RORA: variants seen among roughly 807,000 people sequenced by gnomAD.
RORA encodes nuclear receptor ROR-alpha.
Under a neutral mutation model 69.5 loss-of-function variants are expected in RORA, and 7 were observed. That is an observed-to-expected ratio of 0.10 (90% CI 0.06 to 0.19). RORA has a LOEUF of 0.19. Ranked by LOEUF, RORA falls within the 10% of genes least tolerant of loss-of-function variation. The pLI is 1.00. For synonymous variants in RORA, 261 were observed against 240.8 expected (o/e 1.08, Z -0.78); for missense variants, 457 against 663.0 (o/e 0.69, Z 3.41).
intron 2 of RORA, among the ~76,000 whole-genome samples, chr15:60,655,306 C>T (rs2070203895): frequency 6.6e-6 from 1 of 152,048 alleles, no homozygotes; most frequent in Non-Finnish European, 1.5e-5. Flanking sequence ...TGTACAGTTA[C>T]CCAGATATCC....
intron 1 of RORA, among the ~76,000 whole-genome samples, chr15:61,228,609 AAAGGT>A (rs2080170751): frequency 6.7e-6 from 1 of 150,310 alleles, no homozygotes; most frequent in African/African-American, 2.4e-5. Context: ...CAAGAGGAGA[AAAGGT>A]AAAGCGGAAG....
chr15:60,607,459 G>GTA (rs1201070959), intron 2 of RORA, among the ~76,000 whole-genome samples: 1 of 152,076 alleles, frequency 6.6e-6, no homozygotes, highest in Non-Finnish European at 1.5e-5. Flanking sequence ...ATGTGACATG[G>GTA]TATACATACC....
intron 1 of RORA, among the ~76,000 whole-genome samples, chr15:60,923,473 C>G (rs957841081): frequency 6.6e-6 from 1 of 152,150 alleles, no homozygotes; most frequent in East Asian, 1.9e-4. Context: ...AAGCACTGGA[C>G]GGGAAGCTGG....
intron 1 of RORA, among the ~76,000 whole-genome samples, chr15:61,087,802 T>C (rs2078646899): frequency 6.6e-6 from 1 of 152,224 alleles, no homozygotes; most frequent in African/African-American, 2.4e-5. Flanking sequence ...CCTGTGGGAA[T>C]GGCATTTTTT....
At chr15:60,561,082 G>GTTTTTTTTTTTGTT (rs2067538184) in intron 2 of RORA, among the ~76,000 whole-genome samples, 1 of 122,052 alleles carries the variant, frequency 8.2e-6, no homozygotes, top group Non-Finnish European at 1.8e-5. Context: ...TTTTGTTTTT[G>GTTTTTTTTTTTGTT]TTTTTTTTTT....
chr15:60,690,446 G>A (rs987981916), intron 1 of RORA, among the ~76,000 whole-genome samples: 25 of 152,216 alleles, frequency 1.6e-4, no homozygotes, highest in African/African-American at 6.0e-4. Flanking sequence ...CACCTTTGGA[G>A]ACAGGAGAGA....
chr15:60,707,378 ATTTG>A (rs2071078733), intron 1 of RORA, among the ~76,000 whole-genome samples: 2 of 141,336 alleles, frequency 1.4e-5, no homozygotes, highest in South Asian at 4.4e-4. Flanking sequence ...TTATTTATTT[ATTTG>A]AGATGGAGTC....
chr15:60,535,571 T>C (rs1271604647), intron 2 of RORA, among the ~76,000 whole-genome samples: 4 of 152,232 alleles, frequency 2.6e-5, no homozygotes, highest in African/African-American at 7.2e-5. Flanking sequence ...AAGTTTGCTT[T>C]GAATTTTTAA....
At chr15:60,588,827 C>A (rs2068414213) in intron 2 of RORA, among the ~76,000 whole-genome samples, 1 of 152,088 alleles carries the variant, frequency 6.6e-6, no homozygotes, top group Admixed American at 6.5e-5. Flanking sequence ...AAATCGTGGG[C>A]AAAAGGGTTT....
chr15:60,823,806 A>T (rs1252944732), intron 1 of RORA, among the ~76,000 whole-genome samples: 1 of 18,600 alleles, frequency 5.4e-5, no homozygotes, highest in South Asian at 4.8e-3. Flanking sequence ...TAAGAAATTA[A>T]AAAAAAAAAT....
chr15:61,022,939 A>G (rs934741403), intron 1 of RORA, among the ~76,000 whole-genome samples: 1 of 152,010 alleles, frequency 6.6e-6, no homozygotes, highest in African/African-American at 2.4e-5. Flanking sequence ...AATCCCAGCA[A>G]TTTGAGAGGC....
At chr15:60,576,875 G>A (rs1056503156) in intron 2 of RORA, among the ~76,000 whole-genome samples, 5 of 152,204 alleles carry the variant, frequency 3.3e-5, no homozygotes, top group Non-Finnish European at 7.3e-5. Context: ...AGCTCTGGAA[G>A]TGGTACTAAT....
chr15:60,810,846 G>A (rs2072733516), intron 1 of RORA, among the ~76,000 whole-genome samples: 1 of 152,002 alleles, frequency 6.6e-6, no homozygotes, highest in African/African-American at 2.4e-5. Context: ...TAAGAGTGGG[G>A]CATTAAAAAG....
intron 1 of RORA, among the ~76,000 whole-genome samples, chr15:60,722,474 G>T (rs372585746): frequency 1.3e-5 from 2 of 152,288 alleles, no homozygotes; most frequent in East Asian, 1.9e-4. Flanking sequence ...GAGGACTTAC[G>T]TGCAGCTCTC....
At chr15:60,582,347 A>G (rs1166000009) in intron 2 of RORA, among the ~76,000 whole-genome samples, 1 of 152,238 alleles carries the variant, frequency 6.6e-6, no homozygotes, top group East Asian at 1.9e-4. Context: ...CCAAGTCTCA[A>G]ACAAGAAACT....
In RORA at chr15:60,536,733, A is replaced by G. The variant is rs368145169; in HGVS notation, c.197-4882T>C. Among the ~76,000 whole-genome samples, 6 of 152,282 alleles carry G rather than the reference A, an allele frequency of 3.9e-5. No individual in the cohort carries two copies. In the East Asian group the frequency reaches 7.7e-4, roughly 20 times the overall value. On this transcript the variant is annotated intron_variant, in intron 2 of 10. Coordinates refer to ENST00000335670, the MANE Select transcript of RORA (RefSeq NM_134261.3). ...CTGCTGGCTTGCCAGGAAACGGCCA[A>G]TGGCCGAACCTTGGGTACACCTATG...
At chr15:61,222,939 C>T (rs1207828623) in intron 1 of RORA, among the ~76,000 whole-genome samples, 1 of 152,144 alleles carries the variant, frequency 6.6e-6, no homozygotes, top group East Asian at 1.9e-4. Context: ...TTCTGTCTAC[C>T]ATTAGATGGG....
At chr15:60,811,199 A>T (rs1270715488) in intron 1 of RORA, among the ~76,000 whole-genome samples, 1 of 152,222 alleles carries the variant, frequency 6.6e-6, no homozygotes, top group African/African-American at 2.4e-5. Context: ...ACCATTTCCT[A>T]GAGTGAATCT....
intron 1 of RORA, among the ~76,000 whole-genome samples, chr15:60,696,258 G>A (rs1019257629): frequency 5.3e-5 from 8 of 152,064 alleles, no homozygotes; most frequent in African/African-American, 1.4e-4. Flanking sequence ...GTACAGCCAC[G>A]GAGCCGAGTA....
Sources: allele counts gnomAD v4.1 joint callset (sites outside exome capture counted in the v4.1 genomes callset), GRCh38; gene constraint gnomAD v4.1.1; transcripts MANE v1.5; gene names NCBI Gene and HGNC (gene_info 2026-07-23, HGNC 2026-07-21).